Variants in PDE10A observed in about 807,000 individuals in gnomAD.
PDE10A encodes the protein phosphodiesterase 10A, also known as cAMP and cAMP-inhibited cGMP 3',5'-cyclic phosphodiesterase 10A.
In PDE10A, 39 loss-of-function variants were observed where a neutral mutation model predicts 97.7. That is an observed-to-expected ratio of 0.40 (90% CI 0.31 to 0.52). PDE10A has a LOEUF of 0.52. Ranked by LOEUF, PDE10A falls within the 20% of genes least tolerant of loss-of-function variation. PDE10A has a pLI of 0.56. For synonymous variants in PDE10A, 371 were observed against 376.8 expected, an observed-to-expected ratio of 0.98 and a Z score of 0.18; for missense variants, 731 against 1,047.8, an observed-to-expected ratio of 0.70 and a Z score of 4.17.
chr6:165,953,473 C>T (rs1374779207), intron 1 of PDE10A, among the ~76,000 whole-genome samples: 7 of 152,022 alleles, frequency 4.6e-5, no homozygotes, highest in Non-Finnish European at 8.8e-5. Context: ...CACCTATAAT[C>T]CCAGCTACTC....
At chr6:165,486,018 C>G (rs555911427) in intron 2 of PDE10A, among the ~76,000 whole-genome samples, 2 of 152,128 alleles carry the variant, frequency 1.3e-5, no homozygotes, top group Admixed American at 6.5e-5. Context: ...GGCTGCAGTT[C>G]GAAAGGTGGC....
Position 165,629,015 on chromosome 6 carries a change from G to T in PDE10A, c.865+32932C>A, listed in dbSNP as rs565938038. ...ATCCTTAATATCATGATTTTTATGG[G>T]TTTTTTTTTTAATACAGAGATAAAT... On this transcript the variant is annotated intron_variant, in intron 1 of 21. Coordinates refer to ENST00000539869, the MANE Select transcript of PDE10A (RefSeq NM_001385079.1). 2.0e-3 allele frequency among the ~76,000 whole-genome samples: 297 copies of T among 148,402 alleles called. 3 individuals are homozygous for T. Among genetic ancestry groups the T allele is most frequent in the African/African-American group, 6.2e-3 (252 of 40,448 alleles).
intron 8 of PDE10A, among the ~76,000 whole-genome samples, 158 bp downstream of exon 8, chr6:165,431,264 T>C (rs1185958958): frequency 1.3e-5 from 2 of 150,948 alleles, no homozygotes; most frequent in African/African-American, 2.4e-5. Flanking sequence ...AGTAAGTAAA[T>C]ATAACTGATT....
At chr6:165,950,622 G>GTACT (rs1783923469) in intron 1 of PDE10A, among the ~76,000 whole-genome samples, 1 of 152,198 alleles carries the variant, frequency 6.6e-6, no homozygotes, top group Non-Finnish European at 1.5e-5. Context: ...TGCAGACCAG[G>GTACT]TCTGCTCGGA....
intron 9 of PDE10A, 103 bp from the exon 10 acceptor site, chr6:165,428,812 C>A: frequency 1.1e-5 from 6 of 529,854 alleles, no homozygotes; most frequent in South Asian, 2.9e-5. Flanking sequence ...AAATAAAAAA[C>A]CATAAAGATA....
intron 1 of PDE10A, among the ~76,000 whole-genome samples, chr6:165,616,591 G>A (rs745509146): frequency 6.6e-6 from 1 of 152,120 alleles, no homozygotes; most frequent in African/African-American, 2.4e-5. Context: ...TCATGTTAAC[G>A]CTCTTGGCTT....
intron 17 of PDE10A, among the ~76,000 whole-genome samples, chr6:165,385,349 G>A (rs1261699205): frequency 1.3e-5 from 2 of 152,028 alleles, no homozygotes; most frequent in African/African-American, 4.8e-5. Flanking sequence ...ACTGAATACA[G>A]GGTTCAACTG....
chr6:165,838,543 G>A (rs894738474), intron 1 of PDE10A, among the ~76,000 whole-genome samples: 1 of 152,068 alleles, frequency 6.6e-6, no homozygotes, highest in Non-Finnish European at 1.5e-5. Flanking sequence ...AAGAAATTCC[G>A]TACTCATTTT....
At position 165,598,195 on chromosome 6, in the gene PDE10A, A is replaced by G. The variant is rs1305626845; in HGVS notation, c.866-54627T>C. ...CATACATTTTAGCAGTTATTTAAGT[A>G]TATCTGAGAATGGTGGAAATTATTG... On this transcript the variant is annotated intron_variant, in intron 1 of 21. Coordinates refer to ENST00000539869, the MANE Select transcript of PDE10A (RefSeq NM_001385079.1). 5.3e-5 allele frequency among the ~76,000 whole-genome samples: 8 copies of G among 152,232 alleles called. No homozygotes were observed. In the East Asian group the frequency reaches 1.5e-3, roughly 29 times the overall value.
chr6:165,778,179 G>A (rs1325815120), intron 1 of PDE10A, among the ~76,000 whole-genome samples: 1 of 152,014 alleles, frequency 6.6e-6, no homozygotes, highest in East Asian at 1.9e-4. Flanking sequence ...GGTTCACGCT[G>A]TTCTCCTGCC....
At chr6:165,784,993 A>G (rs1019134236) in intron 1 of PDE10A, among the ~76,000 whole-genome samples, 6 of 152,202 alleles carry the variant, frequency 3.9e-5, no homozygotes, top group African/African-American at 1.4e-4. Flanking sequence ...TTTCTCTTCT[A>G]TCGTAAGGTC....
intron 1 of PDE10A, among the ~76,000 whole-genome samples, chr6:165,824,527 T>A (rs1195600535): frequency 6.6e-6 from 1 of 152,230 alleles, no homozygotes; most frequent in Non-Finnish European, 1.5e-5. Context: ...TGCTTATTCA[T>A]CTAATCTATC....
intron 1 of PDE10A, among the ~76,000 whole-genome samples, chr6:165,577,900 T>C (rs183764633): frequency 4.6e-5 from 7 of 152,014 alleles, no homozygotes; most frequent in Non-Finnish European, 7.4e-5. Context: ...GAGGACACAA[T>C]AGAAAATACA....
At chr6:165,416,812 T>C (rs892539299) in intron 11 of PDE10A, among the ~76,000 whole-genome samples, 1 of 152,220 alleles carries the variant, frequency 6.6e-6, no homozygotes, top group Non-Finnish European at 1.5e-5. Flanking sequence ...TGTTTGCAAT[T>C]CAAGCACTAT....
At chr6:165,612,577 C>T (rs1205167155) in intron 1 of PDE10A, among the ~76,000 whole-genome samples, 3 of 152,098 alleles carry the variant, frequency 2.0e-5, no homozygotes, top group African/African-American at 7.2e-5. Flanking sequence ...GCCATGTTGG[C>T]CAGGCTGATC....
chr6:165,688,853 T>C (rs1562685484), intron 1 of PDE10A, among the ~76,000 whole-genome samples: 2 of 152,178 alleles, frequency 1.3e-5, no homozygotes, highest in Non-Finnish European at 2.9e-5. Context: ...TGTATCTGTG[T>C]GAGTGTGTGA....
chr6:165,469,858 T>C (rs898187705), intron 3 of PDE10A, among the ~76,000 whole-genome samples: 1 of 152,164 alleles, frequency 6.6e-6, no homozygotes, highest in African/African-American at 2.4e-5. Context: ...ATAAGTATCA[T>C]TTTGGACCAT....
intron 2 of PDE10A, among the ~76,000 whole-genome samples, chr6:165,528,435 G>A (rs1439124630): frequency 6.6e-6 from 1 of 152,160 alleles, no homozygotes; most frequent in Non-Finnish European, 1.5e-5. Flanking sequence ...TGTCCAATTT[G>A]CCAGCAGCAG....
chr6:165,619,253 T>C (rs1182450967), intron 1 of PDE10A, among the ~76,000 whole-genome samples: 1 of 144,816 alleles, frequency 6.9e-6, no homozygotes, highest in African/African-American at 2.8e-5. Context: ...TGTAGTGTAG[T>C]CTAGTGTAGT....
Sources: allele counts gnomAD v4.1 joint callset (sites outside exome capture counted in the v4.1 genomes callset), GRCh38; gene constraint gnomAD v4.1.1; transcripts MANE v1.5; gene names NCBI Gene and HGNC (gene_info 2026-07-23, HGNC 2026-07-21).